Variants in FBXO34 observed in about 807,000 individuals in gnomAD.
The protein encoded by FBXO34 is F-box only protein 34.
Under a neutral mutation model 24.5 loss-of-function variants are expected in FBXO34, and 12 were observed. The ratio of observed to expected loss-of-function variants is 0.49; its 90% CI spans 0.31 to 0.79. The LOEUF is 0.79. FBXO34 is among the 30% of genes least tolerant of loss of function. FBXO34 has a pLI of 0.04. For missense variants in FBXO34, 823 were observed against 857.7 expected (o/e 0.96, Z 0.51); for synonymous variants, 320 against 311.9 (o/e 1.03, Z -0.27).
chr14:55,309,853 G>T (rs1882676311), intron 1 of FBXO34, among the ~76,000 whole-genome samples: 2 of 152,160 alleles, frequency 1.3e-5, no homozygotes, highest in African/African-American at 4.8e-5. Flanking sequence ...TGGTGAGCCT[G>T]TTATTCCATT....
At chr14:55,439,071 G>T in the FBXO34 span, among the ~76,000 whole-genome samples, 2 of 151,700 alleles carry the variant, frequency 1.3e-5, no homozygotes. Context: ...CCGAGTAGCT[G>T]GGACTACAGG....
chr14:55,348,804 A>G (rs1348116412), intron 1 of FBXO34, among the ~76,000 whole-genome samples: 1 of 152,210 alleles, frequency 6.6e-6, no homozygotes, highest in Non-Finnish European at 1.5e-5. Context: ...GTTGAAGGTG[A>G]AAGGTAAACT....
At chr14:55,361,155 T>G (rs568229116) in intron 3 of FBXO34, among the ~76,000 whole-genome samples, 1 of 152,344 alleles carries the variant, frequency 6.6e-6, no homozygotes, top group East Asian at 1.9e-4. Context: ...CGTTACAAAA[T>G]GTATTTCTTA....
chr14:55,354,217 C>T (rs1884485530), downstream of FBXO34, among the ~76,000 whole-genome samples: 1 of 152,158 alleles, frequency 6.6e-6, no homozygotes, highest in Admixed American at 6.5e-5. Flanking sequence ...TATGACTCAC[C>T]CAGGTGAGGC....
intron 1 of FBXO34, among the ~76,000 whole-genome samples, chr14:55,341,394 C>G (rs1883986836): frequency 6.6e-6 from 1 of 152,114 alleles, no homozygotes; most frequent in Non-Finnish European, 1.5e-5. Context: ...AATCCTTACT[C>G]AAGTTTGGCC....
chr14:55,394,295 G>A, the FBXO34 span, among the ~76,000 whole-genome samples: 3 of 152,152 alleles, frequency 2.0e-5, no homozygotes, highest in East Asian at 1.9e-4. Context: ...ATGAGCCAAC[G>A]TGCCTGGCCC....
At chr14:55,395,609 C>T in the FBXO34 span, among the ~76,000 whole-genome samples, 2 of 152,234 alleles carry the variant, frequency 1.3e-5, no homozygotes, top group Middle Eastern at 3.4e-3. Context: ...AAATAGCCAC[C>T]CATATTTTCT....
At chr14:55,316,693 C>T (rs1351902487) in intron 1 of FBXO34, among the ~76,000 whole-genome samples, 1 of 148,806 alleles carries the variant, frequency 6.7e-6, no homozygotes, top group Non-Finnish European at 1.5e-5. Context: ...TGCCACTGCA[C>T]TACAGCCTGG....
the FBXO34 span, chr14:55,385,995 T>G: frequency 1.2e-6 from 2 of 1,614,088 alleles, no homozygotes; most frequent in African/African-American, 2.7e-5. Context: ...TCACCAAGTT[T>G]GCGATTATGC....
intron 1 of FBXO34, chr14:55,271,830 G>A (rs1881156612): frequency 6.6e-6 from 1 of 151,932 alleles, no homozygotes; most frequent in Non-Finnish European, 1.5e-5. Context: ...CTGAAGCCGA[G>A]GAGATTCACG....
chr14:55,273,490 A>G (rs1033369694), intron 1 of FBXO34, among the ~76,000 whole-genome samples: 3 of 152,184 alleles, frequency 2.0e-5, no homozygotes, highest in African/African-American at 7.2e-5. Flanking sequence ...TTTTATGCTG[A>G]CAGTGTTGAG....
chr14:55,412,299 G>A, the FBXO34 span, among the ~76,000 whole-genome samples: 56 of 152,332 alleles, frequency 3.7e-4, no homozygotes, highest in Admixed American at 3.5e-3. Context: ...CTTGGGGCAA[G>A]TTCCTTAATC....
chr14:55,369,885 T>C (rs1300487944), downstream of FBXO34: 3 of 1,613,964 alleles, frequency 1.9e-6, no homozygotes, highest in Admixed American at 1.7e-5. Flanking sequence ...ACAAATTCCA[T>C]GGACTCCTCA....
the FBXO34 span, chr14:55,440,688 TA>T: frequency 3.1e-6 from 3 of 966,408 alleles, no homozygotes; most frequent in Non-Finnish European, 4.4e-6. Context: ...GGAGATGGGC[TA>T]GGGGTGGGCC....
intron 1 of FBXO34, among the ~76,000 whole-genome samples, chr14:55,332,636 A>T (rs972881597): frequency 1.3e-5 from 2 of 152,228 alleles, no homozygotes; most frequent in African/African-American, 4.8e-5. Context: ...ATATTGTCAA[A>T]TGTTTTCATA....
chr14:55,295,439 G>A (rs1055705715), intron 1 of FBXO34, among the ~76,000 whole-genome samples: 5 of 139,148 alleles, frequency 3.6e-5, no homozygotes, highest in African/African-American at 1.3e-4. Context: ...CTGTTGCCCA[G>A]GCTGGAGTGG....
the FBXO34 span, chr14:55,414,375 A>G: frequency 6.3e-7 from 1 of 1,593,410 alleles, no homozygotes; most frequent in East Asian, 2.2e-5. Context: ...GCTGAATGAT[A>G]TGCTCAGGCT....
the FBXO34 span, chr14:55,381,835 G>C: frequency 2.8e-6 from 2 of 725,484 alleles, no homozygotes; most frequent in Non-Finnish European, 4.6e-6. Flanking sequence ...GGAGGTGATG[G>C]GAGCACAGTG....
At chr14:55,407,297 A>G in the FBXO34 span, among the ~76,000 whole-genome samples, 1 of 152,008 alleles carries the variant, frequency 6.6e-6, no homozygotes, top group Non-Finnish European at 1.5e-5. Flanking sequence ...CGCCCAGCTA[A>G]TTTTTGTATT....
Sources: gnomAD v4.1 joint callset for allele counts (sites outside exome capture counted in the v4.1 genomes callset) on GRCh38, gnomAD v4.1.1 for gene constraint, MANE v1.5 for transcripts, NCBI Gene and HGNC (gene_info 2026-07-23, HGNC 2026-07-21) for gene names.